TBC1D5: variants seen among roughly 807,000 people sequenced by gnomAD.
The protein encoded by TBC1D5 is TBC1 domain family member 5.
Under a neutral mutation model 100.3 loss-of-function variants are expected in TBC1D5, and 75 were observed. The ratio of observed to expected loss-of-function variants is 0.75; its 90% confidence interval spans 0.62 to 0.91. TBC1D5 has a LOEUF of 0.91. TBC1D5 is among the 40% of genes least tolerant of loss of function. TBC1D5 has a pLI of 0.00. For synonymous variants in TBC1D5, 323 were observed against 325.6 expected, an observed-to-expected ratio of 0.99 and a Z score of 0.09; for missense variants, 910 against 942.4, an observed-to-expected ratio of 0.97 and a Z score of 0.45.
At chr3:17,569,242 C>G (rs2096611771) in intron 2 of TBC1D5, among the ~76,000 whole-genome samples, 1 of 151,788 alleles carries the variant, frequency 6.6e-6, no homozygotes, top group Non-Finnish European at 1.5e-5. Flanking sequence ...CTGGCTGGTT[C>G]ACATTTAAGC....
intron 1 of TBC1D5, among the ~76,000 whole-genome samples, chr3:17,673,540 G>A (rs773821475): frequency 1.2e-4 from 18 of 150,894 alleles, no homozygotes; most frequent in Non-Finnish European, 2.4e-4. Context: ...GGTCTCGATC[G>A]CATGGCTCAA....
chr3:17,523,202 C>T (rs565170952), intron 2 of TBC1D5, among the ~76,000 whole-genome samples: 3 of 152,230 alleles, frequency 2.0e-5, no homozygotes, highest in Admixed American at 2.0e-4. Flanking sequence ...ATCTCAAGGT[C>T]GCACACTAAG....
intron 17 of TBC1D5, among the ~76,000 whole-genome samples, chr3:17,220,633 A>C (rs934667438): frequency 2.0e-5 from 3 of 152,088 alleles, no homozygotes; most frequent in African/African-American, 4.8e-5. Context: ...AGGTATTATA[A>C]ATCTAGGTTT....
intron 18 of TBC1D5, among the ~76,000 whole-genome samples, chr3:17,213,985 T>C (rs777975835): frequency 2.9e-4 from 33 of 114,262 alleles, no homozygotes; most frequent in Admixed American, 1.2e-3. Context: ...ATTCAACTTA[T>C]TTTAAAATGA....
chr3:17,211,383 A>C (rs1427521558), intron 18 of TBC1D5, among the ~76,000 whole-genome samples: 1 of 152,234 alleles, frequency 6.6e-6, no homozygotes, highest in Non-Finnish European at 1.5e-5. Flanking sequence ...CAAATCTAGC[A>C]TTTAAGTATA....
intron 2 of TBC1D5, among the ~76,000 whole-genome samples, chr3:17,603,586 T>C (rs540642781): frequency 6.6e-6 from 1 of 152,196 alleles, no homozygotes; most frequent in African/African-American, 2.4e-5. Context: ...TTGTTTAGCA[T>C]ATGATCGAGA....
At chr3:17,317,410 C>T (rs958987851) in intron 13 of TBC1D5, among the ~76,000 whole-genome samples, 1 of 152,096 alleles carries the variant, frequency 6.6e-6, no homozygotes, top group Non-Finnish European at 1.5e-5. Context: ...CAGTCAACTC[C>T]ACCACATTCA....
chr3:17,614,010 T>C (rs1243231740), intron 2 of TBC1D5, among the ~76,000 whole-genome samples: 2 of 152,244 alleles, frequency 1.3e-5, no homozygotes, highest in Non-Finnish European at 2.9e-5. Context: ...AGAGTTTTTA[T>C]GGTTTTCGGT....
intron 3 of TBC1D5, among the ~76,000 whole-genome samples, chr3:17,492,418 G>T (rs1297309851): frequency 2.0e-5 from 3 of 151,460 alleles, no homozygotes; most frequent in African/African-American, 7.3e-5. Flanking sequence ...TTTGTTAAGG[G>T]TATTAGTGCT....
intron 1 of TBC1D5, among the ~76,000 whole-genome samples, chr3:17,639,644 G>T (rs1374640450): frequency 6.6e-6 from 1 of 152,050 alleles, no homozygotes; most frequent in East Asian, 1.9e-4. Flanking sequence ...AAAAAAGGGG[G>T]TCTGAGGGGA....
At chr3:17,221,813 T>C (rs1007327240) in intron 17 of TBC1D5, among the ~76,000 whole-genome samples, 1 of 152,210 alleles carries the variant, frequency 6.6e-6, no homozygotes. Context: ...GTCAGACTTT[T>C]GACCTAGAGA....
Position 17,649,311 on chromosome 3 carries a change from G to A in TBC1D5, c.-100-25398C>T, listed in dbSNP as rs145080899. On this transcript the variant is annotated intron_variant, in intron 1 of 21. Coordinates refer to ENST00000253692, the Ensembl canonical transcript of TBC1D5. ...AAAGAAGGAAATAACACACACTGGC[G>A]TCTACTTGAGGGTGGAGGCTGAGAT... Among the ~76,000 whole-genome samples, 402 of 152,090 alleles carry A rather than the reference G, an allele frequency of 2.6e-3. 3 individuals are homozygous for A. Among genetic ancestry groups the A allele is most frequent in the East Asian group, 0.016 (83 of 5,166 alleles).
chr3:17,372,141 T>C, exon 13 of TBC1D5: 1 of 1,613,862 alleles, frequency 6.2e-7, no homozygotes. Context: ...ATCATGCTTC[T>C]TCAGTAGATG....
intron 2 of TBC1D5, among the ~76,000 whole-genome samples, chr3:17,532,470 G>A (rs1257167938): frequency 5.3e-5 from 8 of 152,148 alleles, no homozygotes; most frequent in African/African-American, 1.7e-4. Flanking sequence ...ATTTGACCCA[G>A]CCATCCCATT....
chr3:17,364,709 T>G (rs1473812714), intron 13 of TBC1D5, among the ~76,000 whole-genome samples: 1 of 152,172 alleles, frequency 6.6e-6, no homozygotes, highest in East Asian at 1.9e-4. Context: ...ATAACTAACG[T>G]TTGATAGCTT....
intron 13 of TBC1D5, among the ~76,000 whole-genome samples, chr3:17,314,629 G>A (rs1248259252): frequency 6.6e-6 from 1 of 152,026 alleles, no homozygotes; most frequent in Non-Finnish European, 1.5e-5. Flanking sequence ...GCATCTTTCA[G>A]CCCCCCAGTA....
At position 17,466,766 on chromosome 3, in the gene TBC1D5, C is replaced by CTT. The variant is rs140218778; in HGVS notation, c.98-38249_98-38248dup. Among the ~76,000 whole-genome samples, 561 of 148,010 alleles carry CTT rather than the reference C, an allele frequency of 3.8e-3. 5 individuals carry two copies. The highest frequency in any genetic ancestry group is 0.013 in the African/African-American group (530 of 40,628). On this transcript the variant is annotated intron_variant, in intron 3 of 21. Coordinates refer to ENST00000253692, the Ensembl canonical transcript of TBC1D5. The stretch of plus-strand genomic sequence containing the variant: ...GCTTAACACCTTATATGCAAAATTA[C>CTT]TTTTTTTTTTAGTAATTATGTCTTT...
chr3:17,394,860 T>G (rs1356838261), intron 8 of TBC1D5, among the ~76,000 whole-genome samples: 1 of 152,090 alleles, frequency 6.6e-6, no homozygotes, highest in African/African-American at 2.4e-5. Flanking sequence ...TTCTGCTTTC[T>G]TTAATTTATG....
intron 1 of TBC1D5, among the ~76,000 whole-genome samples, chr3:17,701,140 C>T (rs2073125232): frequency 6.6e-6 from 1 of 152,132 alleles, no homozygotes; most frequent in Non-Finnish European, 1.5e-5. Context: ...CCATGGAATA[C>T]TATGCAGCCA....
Sources: allele counts gnomAD v4.1 joint callset (sites outside exome capture counted in the v4.1 genomes callset), GRCh38; gene constraint gnomAD v4.1.1; transcripts MANE v1.5; gene names NCBI Gene and HGNC (gene_info 2026-07-23, HGNC 2026-07-21).